SMS: variants seen among roughly 807,000 people sequenced by gnomAD.
The protein encoded by SMS is spermidine aminopropyltransferase.
SMS carries 3 observed loss-of-function variants against 33.0 expected under a neutral mutation model. The observed-to-expected ratio is 0.09, with a 90% CI of 0.04 to 0.23. SMS has a LOEUF of 0.23. SMS is among the 10% of genes least tolerant of loss of function. The probability of loss-of-function intolerance (pLI) is 1.00; values close to 1 mark genes in which losing one functional copy is unlikely to be tolerated. For missense variants in SMS, 117 were observed against 288.6 expected, an observed-to-expected ratio of 0.41 and a Z score of 4.31; for synonymous variants, 103 against 112.2, an observed-to-expected ratio of 0.92 and a Z score of 0.52.
intron 9 of SMS, among the ~76,000 whole-genome samples, chrX:21,986,897 T>C (rs1905024326): frequency 9.0e-6 from 1 of 111,592 alleles, no homozygotes; most frequent in Non-Finnish European, 1.9e-5. Context: ...TCAGACCCTT[T>C]ACAGAGAAAG....
intron 7 of SMS, among the ~76,000 whole-genome samples, chrX:21,980,429 A>AAAAT (rs1260210326): frequency 4.8e-5 from 3 of 63,035 alleles, no homozygotes; most frequent in East Asian, 6.5e-4. Flanking sequence ...AAAAAAAAAA[A>AAAAT]ATATATATAT....
At chrX:21,965,738 ACT>A (rs1378435813) in intron 1 of SMS, among the ~76,000 whole-genome samples, 4 of 108,779 alleles carry the variant, frequency 3.7e-5, no homozygotes, top group East Asian at 5.7e-4. Flanking sequence ...ACAGAGCCAG[ACT>A]CTGTCTCAAA....
intron 4 of SMS, among the ~76,000 whole-genome samples, chrX:21,975,571 G>A (rs1924483109): frequency 9.0e-6 from 1 of 111,257 alleles, no homozygotes; most frequent in Admixed American, 9.6e-5. Context: ...AGCCAGGGGT[G>A]GAAGAGGCTT....
chrX:21,959,146 A>G (rs980671391), intron 1 of SMS, among the ~76,000 whole-genome samples: 12 of 112,468 alleles, frequency 1.1e-4, no homozygotes, highest in Non-Finnish European at 5.6e-5. Flanking sequence ...TAGGGCTATA[A>G]AGCCAAGCTG....
At chrX:21,992,242 T>C (rs777845826) in intron 9 of SMS, among the ~76,000 whole-genome samples, 3 of 112,641 alleles carry the variant, frequency 2.7e-5, no homozygotes, top group Non-Finnish European at 3.7e-5. Flanking sequence ...TGTAATATAA[T>C]GGTGACCGTT....
At chrX:21,954,855 T>C (rs764260913) in intron 1 of SMS, among the ~76,000 whole-genome samples, 115 of 111,749 alleles carry the variant, frequency 1.0e-3, no homozygotes, top group Middle Eastern at 4.6e-3. Context: ...TTGTTTTTTT[T>C]TGAGACAGTC....
intron 1 of SMS, among the ~76,000 whole-genome samples, chrX:21,954,777 CT>C (rs1237599273): frequency 3.6e-5 from 4 of 112,002 alleles, no homozygotes; most frequent in Non-Finnish European, 5.6e-5. Context: ...ACTGTTTTAT[CT>C]TTGGAAATGC....
chrX:21,963,209 C>T (rs1008169208), intron 1 of SMS, among the ~76,000 whole-genome samples: 8 of 111,796 alleles, frequency 7.2e-5, no homozygotes. Flanking sequence ...CTCTAGCTCC[C>T]CTTCCTGGAG....
In SMS at chrX:21,994,672, A is replaced by G; in HGVS notation, c.*321A>G. The G allele has an allele frequency of 1.2e-6, 1 of 830,922 alleles. No homozygotes were observed. 68.5% of individuals were successfully genotyped at this position (830,922 alleles called of 1,213,427 possible). A position where few individuals can be genotyped will look rare whatever the true frequency, so the allele number is the denominator to read the frequency against. On this transcript the variant is annotated 3_prime_UTR_variant, in exon 11 of 11. Coordinates refer to ENST00000404933, the MANE Select transcript of SMS (RefSeq NM_004595.5). ...TTTGTTTTTGTTTTTGTTTTGGTAG[A>G]TCTTCAATTTGGATATTTGGAGGAG...
At chrX:21,946,176 C>T (rs2147486613) in intron 1 of SMS, among the ~76,000 whole-genome samples, 1 of 111,945 alleles carries the variant, frequency 8.9e-6, no homozygotes, top group East Asian at 2.8e-4. Context: ...TCACAGGCCC[C>T]CTGAATTGTA....
At chrX:21,993,947 C>CT (rs1339873963) in intron 10 of SMS, among the ~76,000 whole-genome samples, 2 of 107,738 alleles carry the variant, frequency 1.9e-5, no homozygotes, top group Non-Finnish European at 3.9e-5. Flanking sequence ...TCCCCCTTCT[C>CT]TCCCTTGTAT....
At chrX:21,941,103 C>G (rs1390075760) in intron 1 of SMS, 1 of 110,048 alleles carries the variant, frequency 9.1e-6, no homozygotes, top group Admixed American at 9.5e-5. Context: ...GGCCGCAGCT[C>G]GGGGCCTGCA....
At chrX:21,942,167 T>C (rs1209552702) in intron 1 of SMS, among the ~76,000 whole-genome samples, 1 of 110,755 alleles carries the variant, frequency 9.0e-6, no homozygotes, top group Non-Finnish European at 1.9e-5. Context: ...TTTCCCACTG[T>C]TTTCCTCGAA....
intron 4 of SMS, among the ~76,000 whole-genome samples, chrX:21,974,930 A>G (rs747999141): frequency 4.6e-5 from 5 of 108,666 alleles, no homozygotes; most frequent in African/African-American, 6.7e-5. Flanking sequence ...ATCATTAACA[A>G]ATAACCCAGT....
chrX:21,975,280 G>A (rs968581471), intron 4 of SMS, among the ~76,000 whole-genome samples: 1 of 111,148 alleles, frequency 9.0e-6, no homozygotes, highest in Non-Finnish European at 1.9e-5. Context: ...CTTCATCAGG[G>A]TAATGGCATT....
chrX:21,957,955 A>G (rs994839397), intron 1 of SMS, among the ~76,000 whole-genome samples: 3 of 90,802 alleles, frequency 3.3e-5, no homozygotes, highest in Admixed American at 1.1e-4. Flanking sequence ...TGATGGGAAT[A>G]TTTGTTTTTT....
In SMS at chrX:21,940,870, A is replaced by G; in HGVS notation, c.46A>G (p.Lys16Glu). The part of the protein sequence containing the change: ...HSTLDFMLGA[K>E]ADGETILKGL... ...CACGCTCGACTTCATGCTCGGCGCC[A>G]AAGGTGAGGGCGCCCGCCGCCACCT... The change falls in exon 1 of 11, where the codon AAA becomes GAA. Residue 16 changes from lysine to glutamate, a missense_variant. By Grantham distance (56) the Lys-to-Glu change is moderately conservative. This residue lies in a region of SMS where 23 missense variants were observed against 60.5 expected (regional missense o/e 0.38). Transcript: ENST00000404933. 3 of 1,095,701 alleles carry G rather than the reference A, an allele frequency of 2.7e-6. No individual in the cohort carries two copies. Among genetic ancestry groups the G allele is most frequent in the Non-Finnish European group, 3.6e-6 (3 of 840,350 alleles). 90.3% of individuals were successfully genotyped at this position (1,095,701 alleles called of 1,213,427 possible). A position where few individuals can be genotyped will look rare whatever the true frequency, so the allele number is the denominator to read the frequency against.
intron 9 of SMS, among the ~76,000 whole-genome samples, chrX:21,989,327 T>G (rs1202127824): frequency 9.0e-6 from 1 of 111,141 alleles, no homozygotes; most frequent in Admixed American, 9.6e-5. Flanking sequence ...AAAAGAACTT[T>G]CTAGAACTGA....
intron 1 of SMS, among the ~76,000 whole-genome samples, chrX:21,949,398 C>T (rs1238728345): frequency 1.8e-5 from 2 of 111,950 alleles, no homozygotes; most frequent in African/African-American, 6.5e-5. Context: ...TAAAGATGCT[C>T]AGTTATAAAG....
Sources: allele counts gnomAD v4.1 joint callset (sites outside exome capture counted in the v4.1 genomes callset), GRCh38; gene constraint gnomAD v4.1.1; regional missense constraint gnomAD v4.1.1; transcripts MANE v1.5; gene names NCBI Gene and HGNC (gene_info 2026-07-23, HGNC 2026-07-21).